Variants in CAST observed in about 807,000 individuals in gnomAD.
The protein encoded by CAST is MIR583 host.
In CAST, 76 loss-of-function variants were observed where a neutral mutation model predicts 119.6. The ratio of observed to expected loss-of-function variants is 0.64; its 90% CI spans 0.53 to 0.77. The LOEUF (loss-of-function observed/expected upper bound fraction) is 0.77, where lower values mean the gene tolerates loss of function less well. Among genes scored for constraint, CAST ranks in the 30% least tolerant of loss-of-function variants. CAST has a pLI of 0.00. For missense variants in CAST, 953 were observed against 946.5 expected, an observed-to-expected ratio of 1.01 and a Z score of -0.09; for synonymous variants, 319 against 331.6, an observed-to-expected ratio of 0.96 and a Z score of 0.41.
chr5:96,332,884 A>G, the CAST span, among the ~76,000 whole-genome samples: 1 of 151,972 alleles, frequency 6.6e-6, no homozygotes, highest in African/African-American at 2.4e-5. Context: ...TCCTCCACAC[A>G]AATTGGTCTC....
At chr5:96,662,730 G>C (rs1044660084) in intron 1 of CAST, among the ~76,000 whole-genome samples, 1 of 152,146 alleles carries the variant, frequency 6.6e-6, no homozygotes, top group African/African-American at 2.4e-5. Context: ...GTAGAGTGGA[G>C]GGGGGGACGC....
the CAST span, among the ~76,000 whole-genome samples, chr5:96,065,795 G>T: frequency 6.6e-6 from 1 of 152,122 alleles, no homozygotes; most frequent in African/African-American, 2.4e-5. Flanking sequence ...CCTGCTGTGG[G>T]CCTTAAAGGT....
At chr5:96,217,085 G>A in the CAST span, among the ~76,000 whole-genome samples, 72 of 151,866 alleles carry the variant, frequency 4.7e-4, no homozygotes, top group Non-Finnish European at 7.8e-4. Flanking sequence ...GTTGCCCAAG[G>A]TGGAGTGCAG....
the CAST span, among the ~76,000 whole-genome samples, chr5:96,123,349 G>A: frequency 2.6e-5 from 4 of 152,112 alleles, no homozygotes; most frequent in African/African-American, 9.7e-5. Flanking sequence ...ACCTAGGCCA[G>A]TTCTCCATTT....
the CAST span, among the ~76,000 whole-genome samples, chr5:96,003,047 G>T: frequency 6.6e-6 from 1 of 151,830 alleles, no homozygotes; most frequent in East Asian, 1.9e-4. Flanking sequence ...ACTAGCCTGG[G>T]CAATGTAGCA....
At chr5:96,036,499 A>G in the CAST span, among the ~76,000 whole-genome samples, 46 of 152,212 alleles carry the variant, frequency 3.0e-4, no homozygotes, top group African/African-American at 1.1e-3. Flanking sequence ...CTGAGGTCCA[A>G]TCTACATGTT....
At chr5:96,045,415 T>C in the CAST span, among the ~76,000 whole-genome samples, 1 of 151,898 alleles carries the variant, frequency 6.6e-6, no homozygotes, top group Non-Finnish European at 1.5e-5. Flanking sequence ...TTTGACTTAG[T>C]GCAGTTTTCT....
the CAST span, among the ~76,000 whole-genome samples, chr5:96,190,640 G>A: frequency 1.9e-4 from 29 of 151,984 alleles, no homozygotes; most frequent in East Asian, 2.1e-3. Flanking sequence ...GTCTTTTTGC[G>A]GCAACCTGTG....
In CAST at chr5:96,742,756, G is replaced by A; in HGVS notation, c.1200G>A (p.Glu400=). The A allele has an allele frequency of 6.2e-7, 1 of 1,607,730 alleles. No homozygotes were observed. Among genetic ancestry groups the A allele is most frequent in the Non-Finnish European group, 8.5e-7 (1 of 1,174,364 alleles). ...TCCGCTCAATTAAGGAAGTCGATGA[G>A]GTACTGACCTTAGAGTTGATTTACA... The part of the protein sequence containing the change: ...LDLRSIKEVD[E]AKAKEEKLEK... The change falls in exon 16 of 32, where the codon GAG becomes GAA. Residue 400 remains glutamate (E), a splice_region_variant and synonymous_variant. Transcript: ENST00000675179.
At chr5:96,241,674 C>A in the CAST span, among the ~76,000 whole-genome samples, 5 of 141,254 alleles carry the variant, frequency 3.5e-5, no homozygotes, top group East Asian at 2.1e-4. Flanking sequence ...GTTTACAGTC[C>A]CACCAACAGT....
At chr5:95,989,832 T>C in the CAST span, among the ~76,000 whole-genome samples, 4 of 152,318 alleles carry the variant, frequency 2.6e-5, no homozygotes, top group South Asian at 2.1e-4. Context: ...GATGAACCCA[T>C]TCAGAACAGA....
the CAST span, among the ~76,000 whole-genome samples, chr5:96,375,179 A>C: frequency 6.6e-6 from 1 of 152,318 alleles, no homozygotes; most frequent in African/African-American, 2.4e-5. Flanking sequence ...GGGCGTTGGA[A>C]ATGGAATATT....
chr5:96,710,477 T>C (rs1755897703), intron 3 of CAST, among the ~76,000 whole-genome samples: 1 of 152,108 alleles, frequency 6.6e-6, no homozygotes, highest in African/African-American at 2.4e-5. Context: ...TTCCTTTGTA[T>C]GTTTCTAAGT....
the CAST span, among the ~76,000 whole-genome samples, chr5:96,265,751 G>A: frequency 6.6e-6 from 1 of 152,054 alleles, no homozygotes; most frequent in Non-Finnish European, 1.5e-5. Context: ...CCATTCCAGT[G>A]TAGTACACAC....
chr5:96,211,868 A>G, the CAST span, among the ~76,000 whole-genome samples: 42 of 152,150 alleles, frequency 2.8e-4, no homozygotes, highest in African/African-American at 9.1e-4. Flanking sequence ...GTACTTTGTG[A>G]TTTTCAAGGA....
At chr5:96,094,874 G>A in the CAST span, among the ~76,000 whole-genome samples, 1 of 152,278 alleles carries the variant, frequency 6.6e-6, no homozygotes, top group African/African-American at 2.4e-5. Context: ...CTCTCCATTG[G>A]CTGTTAGCTC....
chr5:96,430,831 G>T, the CAST span, among the ~76,000 whole-genome samples: 1 of 152,064 alleles, frequency 6.6e-6, no homozygotes, highest in Non-Finnish European at 1.5e-5. Context: ...CCCACTATTT[G>T]TTAATGCTTT....
intron 1 of CAST, among the ~76,000 whole-genome samples, chr5:96,597,336 A>G (rs1164404309): frequency 1.3e-5 from 2 of 152,186 alleles, no homozygotes; most frequent in Admixed American, 1.3e-4. Flanking sequence ...TCCCCCACTC[A>G]CCTACGTGAA....
the CAST span, among the ~76,000 whole-genome samples, chr5:96,322,263 G>T: frequency 3.3e-5 from 5 of 152,286 alleles, no homozygotes; most frequent in Admixed American, 2.0e-4. Context: ...GAGGCTGCTT[G>T]GTTGGCCCTG....
Sources: gnomAD v4.1 joint callset for allele counts (sites outside exome capture counted in the v4.1 genomes callset) on GRCh38, gnomAD v4.1.1 for gene constraint, MANE v1.5 for transcripts, NCBI Gene and HGNC (gene_info 2026-07-23, HGNC 2026-07-21) for gene names.